The following ENTREP2 variants were observed in gnomAD, a reference collection of about 807,000 sequenced individuals.
The protein encoded by ENTREP2 is protein ENTREP2.
the ENTREP2 span, among the ~76,000 whole-genome samples, chr15:29,129,702 T>C: frequency 1.3e-5 from 2 of 152,252 alleles, no homozygotes; most frequent in East Asian, 1.9e-4. Context: ...GGCCTCAGAA[T>C]AAGGGGAAGG....
At chr15:29,283,519 T>C in the ENTREP2 span, among the ~76,000 whole-genome samples, 1 of 152,160 alleles carries the variant, frequency 6.6e-6, no homozygotes, top group Non-Finnish European at 1.5e-5. Flanking sequence ...TGGCCCCATC[T>C]CTATCAATCC....
At chr15:29,639,372 G>T in the ENTREP2 span, among the ~76,000 whole-genome samples, 29 of 152,212 alleles carry the variant, frequency 1.9e-4, no homozygotes, top group Non-Finnish European at 3.8e-4. Flanking sequence ...TGTCCTAAAA[G>T]TTCTGCCGAA....
the ENTREP2 span, among the ~76,000 whole-genome samples, chr15:29,256,644 C>T: frequency 3.3e-5 from 5 of 152,132 alleles, no homozygotes; most frequent in Non-Finnish European, 4.4e-5. Flanking sequence ...TATGTGGTTA[C>T]GCTACTGATC....
At chr15:29,344,981 T>G in the ENTREP2 span, among the ~76,000 whole-genome samples, 2 of 149,832 alleles carry the variant, frequency 1.3e-5, 1 homozygote, top group Non-Finnish European at 2.9e-5. Context: ...CGTCTGTGTT[T>G]AATCCCAGCT....
At chr15:29,190,428 C>T in the ENTREP2 span, among the ~76,000 whole-genome samples, 1,347 of 151,712 alleles carry the variant, frequency 8.9e-3, 12 homozygotes, top group Non-Finnish European at 0.013. Context: ...CCAGGGGTTT[C>T]GGGGCCTCCA....
the ENTREP2 span, among the ~76,000 whole-genome samples, chr15:29,582,938 C>T: frequency 9.9e-5 from 15 of 152,182 alleles, no homozygotes; most frequent in South Asian, 6.2e-4. Flanking sequence ...CATGAGCCAC[C>T]GTGCCCAGCC....
At chr15:29,202,473 A>AT in the ENTREP2 span, among the ~76,000 whole-genome samples, 1 of 151,876 alleles carries the variant, frequency 6.6e-6, no homozygotes, top group African/African-American at 2.4e-5. Context: ...CATTTTAAAA[A>AT]TTTTTTTTAT....
the ENTREP2 span, among the ~76,000 whole-genome samples, chr15:29,458,087 C>A: frequency 1.3e-5 from 2 of 152,174 alleles, no homozygotes; most frequent in African/African-American, 4.8e-5. Context: ...GTCTTATGAT[C>A]TGCTCTCTGC....
the ENTREP2 span, among the ~76,000 whole-genome samples, chr15:29,602,601 G>A: frequency 1.3e-5 from 2 of 151,968 alleles, no homozygotes; most frequent in African/African-American, 2.4e-5. Context: ...GCAGTGGCGC[G>A]ATCTCAGCTC....
the ENTREP2 span, among the ~76,000 whole-genome samples, chr15:29,433,760 C>G: frequency 7.1e-6 from 1 of 140,948 alleles, no homozygotes; most frequent in Non-Finnish European, 1.5e-5. Context: ...TCTCAGACAC[C>G]AAACACAGAC....
At chr15:29,645,529 G>C in the ENTREP2 span, among the ~76,000 whole-genome samples, 3 of 151,910 alleles carry the variant, frequency 2.0e-5, no homozygotes, top group African/African-American at 7.3e-5. Flanking sequence ...GGAACCAGTC[G>C]TTTTTCTCAT....
the ENTREP2 span, chr15:29,196,424 G>GGT: frequency 6.5e-7 from 1 of 1,549,884 alleles, no homozygotes; most frequent in Non-Finnish European, 8.7e-7. Context: ...CGCCCAGCGG[G>GGT]GTCACCTTCA....
At chr15:29,608,777 C>T in the ENTREP2 span, among the ~76,000 whole-genome samples, 2 of 151,818 alleles carry the variant, frequency 1.3e-5, no homozygotes, top group African/African-American at 4.8e-5. Flanking sequence ...CCCTGTTAGC[C>T]AGGATGGTCT....
At chr15:29,312,322 C>G in the ENTREP2 span, among the ~76,000 whole-genome samples, 1 of 132,364 alleles carries the variant, frequency 7.6e-6, no homozygotes, top group Non-Finnish European at 1.5e-5. Flanking sequence ...AGAATCCCCA[C>G]AAAACAAGCA....
chr15:29,633,244 C>T, the ENTREP2 span, among the ~76,000 whole-genome samples: 2 of 152,260 alleles, frequency 1.3e-5, no homozygotes, highest in East Asian at 3.9e-4. Flanking sequence ...TCAGGTCCCA[C>T]TGAATTGCCC....
At chr15:29,422,493 T>G in the ENTREP2 span, among the ~76,000 whole-genome samples, 7 of 152,050 alleles carry the variant, frequency 4.6e-5, no homozygotes, top group South Asian at 1.0e-3. Context: ...CAGGGTAAAC[T>G]CTAGGAGTTT....
At chr15:29,326,943 A>G in the ENTREP2 span, among the ~76,000 whole-genome samples, 1 of 152,164 alleles carries the variant, frequency 6.6e-6, no homozygotes, top group African/African-American at 2.4e-5. Flanking sequence ...AAATATCAAC[A>G]AAGTCATTCA....
chr15:29,611,580 G>C, the ENTREP2 span, among the ~76,000 whole-genome samples: 2 of 151,912 alleles, frequency 1.3e-5, no homozygotes, highest in Non-Finnish European at 2.9e-5. Context: ...GCCCTTCCCA[G>C]CCACTTTATC....
chr15:29,365,737 G>GA, the ENTREP2 span, among the ~76,000 whole-genome samples: 1,616 of 144,888 alleles, frequency 0.011, 21 homozygotes, highest in African/African-American at 0.029. Flanking sequence ...AAAGTCTGCA[G>GA]AAAAAAAAAA....
Sources: allele counts gnomAD v4.1 joint callset (sites outside exome capture counted in the v4.1 genomes callset), GRCh38; gene constraint gnomAD v4.1.1; transcripts MANE v1.5; gene names NCBI Gene and HGNC (gene_info 2026-07-23, HGNC 2026-07-21).